Variants in FYN observed in about 807,000 individuals in gnomAD.
FYN encodes the protein tyrosine-protein kinase Fyn.
In FYN, 10 loss-of-function variants were observed where a neutral mutation model predicts 70.2. The observed-to-expected ratio is 0.14, with a 90% confidence interval of 0.09 to 0.24. FYN has a LOEUF of 0.24. FYN is among the 10% of genes least tolerant of loss of function. The probability of loss-of-function intolerance (pLI) is 1.00; values close to 1 mark genes in which losing one functional copy is unlikely to be tolerated. For missense variants in FYN, 319 were observed against 673.1 expected, an observed-to-expected ratio of 0.47 and a Z score of 5.82; for synonymous variants, 236 against 248.6, an observed-to-expected ratio of 0.95 and a Z score of 0.48.
At chr6:111,822,883 A>G (rs1255936257) in intron 2 of FYN, among the ~76,000 whole-genome samples, 1 of 151,926 alleles carries the variant, frequency 6.6e-6, no homozygotes, top group East Asian at 1.9e-4. Context: ...GAGCATGAGG[A>G]CCCAAGAAAG....
At chr6:111,799,111 C>T (rs986029660) in intron 2 of FYN, among the ~76,000 whole-genome samples, 1 of 152,180 alleles carries the variant, frequency 6.6e-6, no homozygotes, top group African/African-American at 2.4e-5. Context: ...ATGATGAGCA[C>T]TTCAAAAATC....
chr6:111,733,712 G>T (rs1008804942), intron 3 of FYN, among the ~76,000 whole-genome samples: 3 of 152,210 alleles, frequency 2.0e-5, no homozygotes, highest in African/African-American at 7.2e-5. Flanking sequence ...CATTAGCCTG[G>T]AACCAGGCTG....
At chr6:111,700,593 C>T (rs1307795963) in intron 8 of FYN, among the ~76,000 whole-genome samples, 1 of 152,210 alleles carries the variant, frequency 6.6e-6, no homozygotes, top group Non-Finnish European at 1.5e-5. Flanking sequence ...GACATACACG[C>T]AGACTGCTTT....
At chr6:111,727,000 G>A (rs73540133) in intron 3 of FYN, among the ~76,000 whole-genome samples, 5,745 of 152,258 alleles carry the variant, frequency 0.038, 359 homozygotes, top group African/African-American at 0.13. Flanking sequence ...CCAGCAATGC[G>A]GAACTGCAAG....
intron 2 of FYN, among the ~76,000 whole-genome samples, chr6:111,845,919 C>T (rs983707345): frequency 1.3e-5 from 2 of 152,202 alleles, no homozygotes; most frequent in African/African-American, 4.8e-5. Flanking sequence ...GCTCCTCACA[C>T]CCACTCCATC....
intron 2 of FYN, among the ~76,000 whole-genome samples, chr6:111,810,445 T>C (rs9481193): frequency 0.11 from 16,704 of 152,184 alleles, 1,134 homozygotes; most frequent in African/African-American, 0.2. Context: ...TCTGCGGTAT[T>C]GAAAGTGCAA....
intron 3 of FYN, among the ~76,000 whole-genome samples, chr6:111,739,104 C>A (rs1180260170): frequency 6.6e-6 from 1 of 152,164 alleles, no homozygotes; most frequent in African/African-American, 2.4e-5. Flanking sequence ...GACCCCAGGG[C>A]AAAGTACCAA....
chr6:111,707,912 T>G lies in FYN; in HGVS notation c.443+10A>C, dbSNP rs1800174741. The G allele has an allele frequency of 1.2e-6, 2 of 1,603,762 alleles. No individual in the cohort carries two copies. Among genetic ancestry groups the G allele is most frequent in the Non-Finnish European group, 1.7e-6 (2 of 1,170,912 alleles). ...ATCAAGTAGTTAAGTGAAAACAAAA[T>G]GAAACATACTCTTCTGCCTGGATAG... On this transcript the variant is annotated intron_variant, in intron 6 of 13. Coordinates refer to ENST00000354650, the MANE Select transcript of FYN (RefSeq NM_002037.5).
intron 2 of FYN, among the ~76,000 whole-genome samples, chr6:111,784,024 A>G (rs1009622808): frequency 6.6e-6 from 1 of 152,206 alleles, no homozygotes; most frequent in African/African-American, 2.4e-5. Flanking sequence ...ATGTGGCCCA[A>G]TTTAAGCCAA....
intron 1 of FYN, chr6:111,858,167 A>T (rs1773872456): frequency 6.6e-6 from 1 of 152,256 alleles, no homozygotes; most frequent in Non-Finnish European, 1.5e-5. Context: ...ACACCACCTC[A>T]GGGCCCGTTT....
intron 3 of FYN, among the ~76,000 whole-genome samples, chr6:111,729,917 GAATA>G (rs2128469983): frequency 6.6e-6 from 1 of 152,176 alleles, no homozygotes; most frequent in African/African-American, 2.4e-5. Context: ...TTTATAATGA[GAATA>G]AATCACCTTT....
intron 3 of FYN, among the ~76,000 whole-genome samples, chr6:111,750,059 A>G (rs1411321892): frequency 2.0e-5 from 3 of 152,178 alleles, no homozygotes; most frequent in African/African-American, 4.8e-5. Context: ...TGCTACTAAC[A>G]TATATGTCCG....
intron 2 of FYN, among the ~76,000 whole-genome samples, chr6:111,806,554 A>G (rs1347384979): frequency 6.6e-6 from 1 of 152,238 alleles, no homozygotes; most frequent in Non-Finnish European, 1.5e-5. Context: ...AAATGTGGCA[A>G]AACAGATAGT....
chr6:111,696,519 A>G, intron 9 of FYN, 63 bp from the exon 10 acceptor site: 3 of 1,321,052 alleles, frequency 2.3e-6, no homozygotes, highest in Non-Finnish European at 3.1e-6. Context: ...AAAGGTTTTG[A>G]CCACCAGCTA....
At chr6:111,805,078 C>T (rs960944221) in intron 2 of FYN, among the ~76,000 whole-genome samples, 6 of 152,200 alleles carry the variant, frequency 3.9e-5, no homozygotes, top group South Asian at 2.1e-4. Flanking sequence ...TCTGCTACCC[C>T]GAGATAAACA....
chr6:111,692,962 A>ATG (rs1799404186), intron 12 of FYN, among the ~76,000 whole-genome samples: 2 of 152,184 alleles, frequency 1.3e-5, no homozygotes, highest in African/African-American at 4.8e-5. Context: ...CCGGGGGTGT[A>ATG]TGTGTGTGTG....
intron 3 of FYN, among the ~76,000 whole-genome samples, chr6:111,747,837 C>T (rs780922547): frequency 2.0e-5 from 3 of 152,334 alleles, no homozygotes; most frequent in East Asian, 1.9e-4. Flanking sequence ...TGAGCATCAA[C>T]GATATGTCAG....
At chr6:111,687,902 C>T (rs1285489877) in intron 12 of FYN, among the ~76,000 whole-genome samples, 1 of 152,094 alleles carries the variant, frequency 6.6e-6, no homozygotes, top group Non-Finnish European at 1.5e-5. Flanking sequence ...GGCAGCAATG[C>T]TAGGATTTAT....
chr6:111,674,579 C>T lies in FYN; in HGVS notation c.1325G>A (p.Arg442Lys). Residue 442 changes from arginine (R) to lysine (K), a missense_variant, in exon 13 of 14, where the codon AGG becomes AAG. Transcript: ENST00000354650. Reference protein sequence around the residue: ...WTAPEAALYGRFTIKSDVWSF... With the variant: ...WTAPEAALYGKFTIKSDVWSF... ...CCACACGTCAGACTTGATTGTGAAC[C>T]TCCCGTACAGGGCTGCCTCGGGGGC... The T allele has an allele frequency of 6.2e-7, 1 of 1,614,062 alleles. No individual in the cohort carries two copies.
Sources: gnomAD v4.1 joint callset for allele counts (sites outside exome capture counted in the v4.1 genomes callset) on GRCh38, gnomAD v4.1.1 for gene constraint, MANE v1.5 for transcripts, NCBI Gene and HGNC (gene_info 2026-07-23, HGNC 2026-07-21) for gene names.